STX8: variants seen among roughly 807,000 people sequenced by gnomAD.
STX8 encodes syntaxin 8, also known as syntaxin-8.
Under a neutral mutation model 37.5 loss-of-function variants are expected in STX8, and 23 were observed. The ratio of observed to expected loss-of-function variants is 0.61; its 90% CI spans 0.44 to 0.87. The LOEUF (loss-of-function observed/expected upper bound fraction) is 0.87, where lower values mean the gene tolerates loss of function less well. Ranked by LOEUF, STX8 falls within the 40% of genes least tolerant of loss-of-function variation. The pLI is 0.00. For synonymous variants in STX8, 115 were observed against 99.1 expected, an observed-to-expected ratio of 1.16 and a Z score of -0.95; for missense variants, 313 against 284.7, an observed-to-expected ratio of 1.10 and a Z score of -0.71.
chr17:9,504,978 A>AAAAAAAAAG (rs1904767026), intron 5 of STX8, 60 bp downstream of exon 5: 1 of 1,429,068 alleles, frequency 7.0e-7, no homozygotes, highest in Admixed American at 2.3e-5. Context: ...CGTCTCAAAA[A>AAAAAAAAAG]AAAAAAAAAA....
chr17:9,274,832 C>T (rs1480580876), intron 7 of STX8, among the ~76,000 whole-genome samples: 2 of 131,594 alleles, frequency 1.5e-5, no homozygotes, highest in South Asian at 2.7e-4. Flanking sequence ...CTCACTGCAA[C>T]CTCCACCTCC....
At chr17:9,410,350 A>G (rs73259851) in intron 6 of STX8, among the ~76,000 whole-genome samples, 4 of 152,366 alleles carry the variant, frequency 2.6e-5, no homozygotes, top group African/African-American at 9.6e-5. Flanking sequence ...ACTTTTTGCT[A>G]AAATTGTACG....
intron 4 of STX8, among the ~76,000 whole-genome samples, chr17:9,508,283 G>T (rs948762233): frequency 6.6e-6 from 1 of 152,050 alleles, no homozygotes; most frequent in Non-Finnish European, 1.5e-5. Flanking sequence ...AAGTAAATAA[G>T]TACAAGCTAG....
intron 7 of STX8, among the ~76,000 whole-genome samples, chr17:9,301,404 C>A (rs1318560558): frequency 1.3e-5 from 2 of 151,906 alleles, no homozygotes; most frequent in Non-Finnish European, 2.9e-5. Flanking sequence ...CTAATATTAA[C>A]CTCTCTTTGT....
chr17:9,526,971 A>G (rs1282303465), intron 4 of STX8, among the ~76,000 whole-genome samples: 2 of 151,318 alleles, frequency 1.3e-5, no homozygotes, highest in Non-Finnish European at 2.9e-5. Flanking sequence ...TGAGGTCAGG[A>G]GATCGAGACC....
chr17:9,386,394 C>T (rs1439625432), intron 6 of STX8, among the ~76,000 whole-genome samples: 5 of 152,140 alleles, frequency 3.3e-5, no homozygotes, highest in Admixed American at 2.6e-4. Context: ...ACAAAATAGA[C>T]ATCAGAAAGT....
chr17:9,566,197 G>GA (rs895762272), intron 2 of STX8, among the ~76,000 whole-genome samples: 15 of 152,186 alleles, frequency 9.9e-5, no homozygotes, highest in African/African-American at 3.1e-4. Flanking sequence ...AAAAAAACAG[G>GA]AAAAAAAGCT....
chr17:9,268,677 G>A (rs1288829819), intron 7 of STX8, among the ~76,000 whole-genome samples: 18 of 152,184 alleles, frequency 1.2e-4, no homozygotes, highest in Admixed American at 1.1e-3. Flanking sequence ...GCAAACAGCT[G>A]GCATTCCTAA....
intron 6 of STX8, among the ~76,000 whole-genome samples, chr17:9,421,562 TG>T (rs1913431230): frequency 1.3e-5 from 2 of 151,926 alleles, no homozygotes; most frequent in African/African-American, 4.8e-5. Flanking sequence ...CCCCTGCTCC[TG>T]GGAGTGAACT....
At chr17:9,488,821 AGTGTGTGTGT>A (rs71135988) in intron 6 of STX8, among the ~76,000 whole-genome samples, 1 of 143,906 alleles carries the variant, frequency 6.9e-6, no homozygotes, top group African/African-American at 2.6e-5. Flanking sequence ...AGAGAGAGAG[AGTGTGTGTGT>A]GTGTGTGTGT....
intron 6 of STX8, among the ~76,000 whole-genome samples, chr17:9,451,983 A>C (rs923480889): frequency 6.6e-6 from 1 of 152,186 alleles, no homozygotes; most frequent in Non-Finnish European, 1.5e-5. Context: ...ACATGGAAGG[A>C]TTTATTGCAA....
chr17:9,269,342 G>GT (rs1489043239), intron 7 of STX8, among the ~76,000 whole-genome samples: 2 of 152,186 alleles, frequency 1.3e-5, no homozygotes, highest in Non-Finnish European at 2.9e-5. Context: ...ACGCTCCAGC[G>GT]TAAGGGCTTA....
At chr17:9,317,298 G>A (rs185967037) in intron 7 of STX8, among the ~76,000 whole-genome samples, 7 of 152,230 alleles carry the variant, frequency 4.6e-5, no homozygotes, top group East Asian at 3.9e-4. Context: ...AGGAAGAGCC[G>A]GCACTGAAGA....
intron 6 of STX8, among the ~76,000 whole-genome samples, chr17:9,474,176 A>C (rs1273285948): frequency 6.6e-6 from 1 of 152,168 alleles, no homozygotes; most frequent in Non-Finnish European, 1.5e-5. Context: ...AGGGTGATAC[A>C]TGGAGAGGGC....
chr17:9,449,680 T>C (rs1904974164), intron 6 of STX8, among the ~76,000 whole-genome samples: 1 of 152,132 alleles, frequency 6.6e-6, no homozygotes, highest in Non-Finnish European at 1.5e-5. Flanking sequence ...AAATGCATTA[T>C]GCTTAGTGAA....
At chr17:9,407,969 C>T (rs909781084) in intron 6 of STX8, among the ~76,000 whole-genome samples, 7 of 152,064 alleles carry the variant, frequency 4.6e-5, no homozygotes, top group Non-Finnish European at 5.9e-5. Flanking sequence ...TGCAAATGTT[C>T]CCCCCACAAG....
intron 7 of STX8, 103 bp from the exon 8 acceptor site, chr17:9,250,748 G>C: frequency 4.0e-6 from 5 of 1,240,142 alleles, no homozygotes; most frequent in Non-Finnish European, 5.7e-6. Context: ...AGTTCCCTCT[G>C]AGCCTTCAGT....
intron 6 of STX8, among the ~76,000 whole-genome samples, chr17:9,443,286 G>T (rs1394460759): frequency 6.6e-6 from 1 of 152,138 alleles, no homozygotes; most frequent in East Asian, 1.9e-4. Context: ...AGCAGCCATA[G>T]GGCCTTCAAC....
chr17:9,518,868 C>CAA (rs58589067), intron 4 of STX8, among the ~76,000 whole-genome samples: 2,034 of 99,892 alleles, frequency 0.02, 58 homozygotes, highest in African/African-American at 0.062. Flanking sequence ...GACTCCGTCT[C>CAA]AAAAAAAAAA....
Sources: allele counts gnomAD v4.1 joint callset (sites outside exome capture counted in the v4.1 genomes callset), GRCh38; gene constraint gnomAD v4.1.1; transcripts MANE v1.5; gene names NCBI Gene and HGNC (gene_info 2026-07-23, HGNC 2026-07-21).